RASGRF2: variants seen among roughly 807,000 people sequenced by gnomAD.
The protein encoded by RASGRF2 is ras-specific guanine nucleotide-releasing factor 2.
A neutral mutation model predicts 151.0 loss-of-function variants in RASGRF2; 76 were observed. The ratio of observed to expected loss-of-function variants is 0.50; its 90% confidence interval spans 0.42 to 0.61. RASGRF2 has a LOEUF of 0.61. Ranked by LOEUF, RASGRF2 falls within the 20% of genes least tolerant of loss-of-function variation. RASGRF2 has a pLI of 0.00. For synonymous variants in RASGRF2, 504 were observed against 566.5 expected, an observed-to-expected ratio of 0.89 and a Z score of 1.57; for missense variants, 1,148 against 1,564.6, an observed-to-expected ratio of 0.73 and a Z score of 4.49.
At chr5:81,207,983 T>G (rs1755548236) in intron 21 of RASGRF2, among the ~76,000 whole-genome samples, 1 of 152,266 alleles carries the variant, frequency 6.6e-6, no homozygotes, top group South Asian at 2.1e-4. Flanking sequence ...CTGCTAAGGC[T>G]TAATGTTTTT....
chr5:80,996,302 T>C (rs1251027150), intron 1 of RASGRF2, among the ~76,000 whole-genome samples: 1 of 152,046 alleles, frequency 6.6e-6, no homozygotes, highest in African/African-American at 2.4e-5. Flanking sequence ...TAAGTTATTT[T>C]GCTATTCTCT....
At chr5:81,163,558 C>G (rs769265862) in intron 17 of RASGRF2, among the ~76,000 whole-genome samples, 1 of 152,144 alleles carries the variant, frequency 6.6e-6, no homozygotes, top group African/African-American at 2.4e-5. Context: ...TTTACAATAT[C>G]TTCAGGCAAA....
chr5:81,161,173 C>T (rs7720671), intron 17 of RASGRF2, among the ~76,000 whole-genome samples: 8 of 152,258 alleles, frequency 5.3e-5, no homozygotes, highest in African/African-American at 1.4e-4. Context: ...TTCACACCAC[C>T]GGGTCTGAGC....
chr5:81,175,109 G>A (rs1580380770), intron 17 of RASGRF2, among the ~76,000 whole-genome samples: 1 of 152,172 alleles, frequency 6.6e-6, no homozygotes, highest in Admixed American at 6.5e-5. Context: ...TGTGACCTTT[G>A]CCAAGTTTCT....
Position 80,989,889 on chromosome 5 carries a change from G to A in RASGRF2, c.288+28863G>A, listed in dbSNP as rs891580844. The stretch of plus-strand genomic sequence containing the variant: ...ACAATTACAATAAGAGTTATAATGA[G>A]GTGAGAGGGATGGTGAGCCCTTGGA... On this transcript the variant is annotated intron_variant, in intron 1 of 26. Coordinates refer to ENST00000265080, the MANE Select transcript of RASGRF2 (RefSeq NM_006909.3). Among the ~76,000 whole-genome samples, 6 of 152,148 alleles carry A rather than the reference G, an allele frequency of 3.9e-5. No homozygotes were observed. In the East Asian group the frequency reaches 9.6e-4, roughly 24 times the overall value.
At chr5:81,114,281 C>T (rs1484639831) in intron 15 of RASGRF2, among the ~76,000 whole-genome samples, 3 of 152,228 alleles carry the variant, frequency 2.0e-5, no homozygotes, top group Non-Finnish European at 2.9e-5. Context: ...TGTGGGTACC[C>T]TCACCCGTGA....
intron 18 of RASGRF2, among the ~76,000 whole-genome samples, chr5:81,195,787 G>C (rs1354969852): frequency 6.6e-6 from 1 of 152,064 alleles, no homozygotes; most frequent in African/African-American, 2.4e-5. Context: ...CAAGTATAAA[G>C]GACTACGAAG....
chr5:81,079,534 G>GTAATT (rs1417254333), intron 5 of RASGRF2, among the ~76,000 whole-genome samples: 1 of 152,294 alleles, frequency 6.6e-6, no homozygotes, highest in East Asian at 1.9e-4. Context: ...TTTGACTTTG[G>GTAATT]TAATTACCCT....
intron 18 of RASGRF2, among the ~76,000 whole-genome samples, chr5:81,191,685 C>T (rs1044795336): frequency 6.6e-6 from 1 of 151,608 alleles, no homozygotes; most frequent in Non-Finnish European, 1.5e-5. Flanking sequence ...AAAAAATTCT[C>T]TTTTTTTCTG....
intron 2 of RASGRF2, among the ~76,000 whole-genome samples, chr5:81,053,415 G>C (rs1281321368): frequency 6.6e-6 from 1 of 151,580 alleles, no homozygotes; most frequent in Non-Finnish European, 1.5e-5. Context: ...TGAGAATGAT[G>C]GTTTCCAGCT....
intron 2 of RASGRF2, among the ~76,000 whole-genome samples, chr5:81,049,999 C>T (rs112558156): frequency 1.6e-3 from 244 of 152,324 alleles, no homozygotes; most frequent in African/African-American, 5.6e-3. Context: ...TTCATGTTCC[C>T]TTCCTGGATA....
chr5:81,099,583 G>GT (rs139184196), intron 12 of RASGRF2, among the ~76,000 whole-genome samples: 3,675 of 152,240 alleles, frequency 0.024, 132 homozygotes, highest in African/African-American at 0.078. Context: ...CAAGAAATAT[G>GT]TAAGTTATAA....
intron 1 of RASGRF2, among the ~76,000 whole-genome samples, chr5:81,036,684 C>T (rs1750508637): frequency 1.3e-5 from 2 of 151,204 alleles, no homozygotes; most frequent in Non-Finnish European, 2.9e-5. Flanking sequence ...TTTTTTAATC[C>T]CTAGTGGCTT....
chr5:81,187,023 G>A (rs931242409), intron 18 of RASGRF2, among the ~76,000 whole-genome samples: 1 of 152,206 alleles, frequency 6.6e-6, no homozygotes, highest in Non-Finnish European at 1.5e-5. Context: ...ATTACAGATG[G>A]AGGCTCAAAG....
chr5:81,096,944 CTGTTTTTTT>C (rs1471543825), intron 12 of RASGRF2, among the ~76,000 whole-genome samples: 1 of 142,756 alleles, frequency 7.0e-6, no homozygotes, highest in African/African-American at 2.7e-5. Flanking sequence ...TCTGTTTTTT[CTGTTTTTTT>C]TGTTTGTTTG....
chr5:81,041,683 C>T (rs1561573118), intron 1 of RASGRF2, among the ~76,000 whole-genome samples: 1 of 152,098 alleles, frequency 6.6e-6, no homozygotes, highest in Non-Finnish European at 1.5e-5. Context: ...TTGTGGAATC[C>T]TGAGAAGCCA....
At chr5:81,053,569 A>G (rs1751092880) in intron 2 of RASGRF2, among the ~76,000 whole-genome samples, 1 of 152,132 alleles carries the variant, frequency 6.6e-6, no homozygotes, top group Non-Finnish European at 1.5e-5. Context: ...TATTGTGAAT[A>G]GTGCTGCAAT....
intron 19 of RASGRF2, among the ~76,000 whole-genome samples, chr5:81,202,636 C>T (rs9968731): frequency 0.3 from 46,233 of 152,088 alleles, 7,373 homozygotes; most frequent in Middle Eastern, 0.45. Context: ...CAAAATGGAC[C>T]TCATTTGGAA....
chr5:81,008,920 C>G lies in RASGRF2; in HGVS notation c.289-33957C>G, dbSNP rs140353655. ...TTTCTTCCTTTCCGTGTGATCCATC[C>G]TTTTGTGGTTGATTGTCTCAGCAAG... is the stretch of plus-strand genomic sequence containing the variant. On this transcript the variant is annotated intron_variant, in intron 1 of 26. Transcript: ENST00000265080. Among the ~76,000 whole-genome samples the G allele has an allele frequency of 5.3e-5, 8 of 152,314 alleles. 1 individual carries two copies. In the South Asian group the frequency reaches 8.3e-4, roughly 16 times the overall value.
Sources: allele counts gnomAD v4.1 joint callset (sites outside exome capture counted in the v4.1 genomes callset), GRCh38; gene constraint gnomAD v4.1.1; transcripts MANE v1.5; gene names NCBI Gene and HGNC (gene_info 2026-07-23, HGNC 2026-07-21).